GRIK2: variants seen among roughly 807,000 people sequenced by gnomAD.
The protein encoded by GRIK2 is glutamate ionotropic receptor kainate type subunit 2, also known as glutamate receptor ionotropic, kainate 2.
In GRIK2, 32 loss-of-function variants were observed where a neutral mutation model predicts 100.3. The observed-to-expected ratio is 0.32, with a 90% CI of 0.24 to 0.43. The LOEUF is 0.43. Among genes scored for constraint, GRIK2 ranks in the 20% least tolerant of loss-of-function variants. The probability of loss-of-function intolerance (pLI) is 1.00; values close to 1 mark genes in which losing one functional copy is unlikely to be tolerated. For synonymous variants in GRIK2, 417 were observed against 389.4 expected (o/e 1.07, Z -0.83); for missense variants, 843 against 1,114.9 (o/e 0.76, Z 3.47).
chr6:101,915,126 A>G (rs1789015743), intron 12 of GRIK2, among the ~76,000 whole-genome samples: 1 of 151,506 alleles, frequency 6.6e-6, no homozygotes, highest in Non-Finnish European at 1.5e-5. Flanking sequence ...AGAAAAAATG[A>G]TACGGGCTGT....
intron 15 of GRIK2, among the ~76,000 whole-genome samples, chr6:102,036,524 G>A (rs1770282552): frequency 6.6e-6 from 1 of 151,248 alleles, no homozygotes; most frequent in Non-Finnish European, 1.5e-5. Flanking sequence ...GTAAAAGGGA[G>A]AGTGTAGGGT....
At chr6:101,791,900 G>A (rs2128408553) in intron 7 of GRIK2, among the ~76,000 whole-genome samples, 1 of 151,944 alleles carries the variant, frequency 6.6e-6, no homozygotes, top group Non-Finnish European at 1.5e-5. Flanking sequence ...CCTGTATTGG[G>A]TGCATATATA....
At chr6:101,943,986 C>T (rs1791116517) in intron 14 of GRIK2, among the ~76,000 whole-genome samples, 2 of 152,060 alleles carry the variant, frequency 1.3e-5, no homozygotes. Flanking sequence ...TTGTAATTCC[C>T]ATGTTTTGAA....
intron 7 of GRIK2, among the ~76,000 whole-genome samples, chr6:101,787,140 G>A (rs1427545735): frequency 6.7e-6 from 1 of 150,318 alleles, no homozygotes; most frequent in Non-Finnish European, 1.5e-5. Flanking sequence ...GGATTTTTTT[G>A]TATTTCAGTG....
chr6:101,798,402 A>G (rs556496966), intron 7 of GRIK2, among the ~76,000 whole-genome samples: 48 of 152,082 alleles, frequency 3.2e-4, no homozygotes, highest in Non-Finnish European at 6.3e-4. Context: ...CCTTCAGGGT[A>G]TGTGAAAATA....
intron 4 of GRIK2, among the ~76,000 whole-genome samples, chr6:101,661,658 A>C (rs555603175): frequency 6.6e-6 from 1 of 152,056 alleles, no homozygotes; most frequent in Non-Finnish European, 1.5e-5. Context: ...TGGGAAAAGC[A>C]TAGTATCTTG....
At chr6:101,928,337 C>T in intron 13 of GRIK2, 78 bp from the exon 14 acceptor site, 1 of 777,410 alleles carries the variant, frequency 1.3e-6, no homozygotes, top group Non-Finnish European at 2.3e-6. Flanking sequence ...TGATTCCATT[C>T]TGCCACTGTG....
intron 2 of GRIK2, among the ~76,000 whole-genome samples, chr6:101,506,796 A>T (rs761967644): frequency 7.2e-5 from 11 of 152,182 alleles, no homozygotes; most frequent in Non-Finnish European, 1.3e-4. Flanking sequence ...GATTTGAGGG[A>T]AAGTTTGCAG....
chr6:101,823,165 T>C (rs2128424285), intron 10 of GRIK2, among the ~76,000 whole-genome samples: 1 of 152,254 alleles, frequency 6.6e-6, no homozygotes, highest in East Asian at 1.9e-4. Context: ...TAAACTATAA[T>C]CTCAGATTCT....
chr6:101,903,024 A>G (rs991892088), intron 12 of GRIK2, among the ~76,000 whole-genome samples: 1 of 151,854 alleles, frequency 6.6e-6, no homozygotes, highest in Non-Finnish European at 1.5e-5. Context: ...AGAGACTTTT[A>G]TCCTCATAGT....
At chr6:101,835,226 G>C (rs908734319) in intron 10 of GRIK2, among the ~76,000 whole-genome samples, 1 of 151,774 alleles carries the variant, frequency 6.6e-6, no homozygotes, top group African/African-American at 2.4e-5. Flanking sequence ...TTTAACTTTG[G>C]TTTTATTCTG....
intron 2 of GRIK2, among the ~76,000 whole-genome samples, chr6:101,615,306 A>G (rs1779842182): frequency 6.6e-6 from 1 of 151,812 alleles, no homozygotes; most frequent in Non-Finnish European, 1.5e-5. Flanking sequence ...TAAAGCTGTG[A>G]GAATGATTTT....
At chr6:101,828,517 C>T (rs1782478210) in intron 10 of GRIK2, among the ~76,000 whole-genome samples, 1 of 151,840 alleles carries the variant, frequency 6.6e-6, no homozygotes, top group African/African-American at 2.4e-5. Context: ...CATTGATATA[C>T]TGCTAGCTAG....
intron 11 of GRIK2, among the ~76,000 whole-genome samples, chr6:101,866,105 C>T (rs774123358): frequency 3.1e-4 from 47 of 152,222 alleles, no homozygotes; most frequent in Middle Eastern, 6.8e-3. Context: ...CTTCAAGTGT[C>T]TCTTTTAATG....
chr6:101,579,864 A>G (rs1777988052), intron 2 of GRIK2, among the ~76,000 whole-genome samples: 1 of 151,774 alleles, frequency 6.6e-6, no homozygotes, highest in South Asian at 2.1e-4. Context: ...AAAAAAAAAA[A>G]AAAAGAAATG....
chr6:101,706,103 A>G (rs1432501030), intron 7 of GRIK2, among the ~76,000 whole-genome samples: 1 of 151,864 alleles, frequency 6.6e-6, no homozygotes, highest in African/African-American at 2.4e-5. Flanking sequence ...GATTTTTGTT[A>G]TTAGTTCAAA....
intron 2 of GRIK2, among the ~76,000 whole-genome samples, chr6:101,411,723 C>T (rs1005000743): frequency 6.6e-6 from 1 of 152,062 alleles, no homozygotes; most frequent in Non-Finnish European, 1.5e-5. Context: ...TCACAGAACA[C>T]AGAGTGTTGG....
At chr6:101,970,335 G>C (rs1175555436) in intron 14 of GRIK2, among the ~76,000 whole-genome samples, 3 of 151,872 alleles carry the variant, frequency 2.0e-5, no homozygotes, top group African/African-American at 7.3e-5. Flanking sequence ...CATCACCCAG[G>C]AAAGAATTTA....
intron 14 of GRIK2, among the ~76,000 whole-genome samples, chr6:101,957,836 G>T (rs1792036469): frequency 6.6e-6 from 1 of 152,056 alleles, no homozygotes; most frequent in Non-Finnish European, 1.5e-5. Context: ...TCAGTTGGTT[G>T]TAGGTATGTG....
Sources: allele counts gnomAD v4.1 joint callset (sites outside exome capture counted in the v4.1 genomes callset), GRCh38; gene constraint gnomAD v4.1.1; transcripts MANE v1.5; gene names NCBI Gene and HGNC (gene_info 2026-07-23, HGNC 2026-07-21).